Variants in SYN3 observed in about 807,000 individuals in gnomAD.
SYN3 encodes the protein synapsin III.
A neutral mutation model predicts 65.8 loss-of-function variants in SYN3; 35 were observed. The ratio of observed to expected loss-of-function variants is 0.53; its 90% CI spans 0.41 to 0.70. The LOEUF (loss-of-function observed/expected upper bound fraction) is 0.70, where lower values mean the gene tolerates loss of function less well. Ranked by LOEUF, SYN3 falls within the 30% of genes least tolerant of loss-of-function variation. The pLI is 0.00. For missense variants in SYN3, 680 were observed against 749.0 expected (o/e 0.91, Z 1.08); for synonymous variants, 270 against 292.9 (o/e 0.92, Z 0.80).
chr22:32,524,983 C>T (rs1336264837), intron 12 of SYN3, among the ~76,000 whole-genome samples: 1 of 152,202 alleles, frequency 6.6e-6, no homozygotes, highest in Non-Finnish European at 1.5e-5. Context: ...CCACTGAACT[C>T]CAGCTTGGGC....
intron 4 of SYN3, among the ~76,000 whole-genome samples, chr22:32,883,386 C>G (rs141923878): frequency 1.2e-4 from 19 of 152,326 alleles, no homozygotes; most frequent in Middle Eastern, 3.4e-3. Flanking sequence ...AGGGTAGGAG[C>G]AGCTTTCTAG....
intron 6 of SYN3, among the ~76,000 whole-genome samples, chr22:32,803,020 C>T (rs942930193): frequency 8.5e-5 from 13 of 152,170 alleles, no homozygotes; most frequent in Admixed American, 7.8e-4. Context: ...CCGAGAGCAT[C>T]CTGGGAGGCT....
intron 6 of SYN3, among the ~76,000 whole-genome samples, chr22:32,754,143 C>T (rs1399400759): frequency 6.6e-6 from 1 of 151,946 alleles, no homozygotes; most frequent in African/African-American, 2.4e-5. Context: ...CCCTTTCCTC[C>T]CTCCCTCCCT....
chr22:32,542,400 T>C (rs1417854859), intron 7 of SYN3, among the ~76,000 whole-genome samples: 1 of 151,650 alleles, frequency 6.6e-6, no homozygotes, highest in Non-Finnish European at 1.5e-5. Context: ...GCATATTTGC[T>C]GTATGCTATG....
intron 7 of SYN3, among the ~76,000 whole-genome samples, chr22:32,569,489 TC>T (rs1386662194): frequency 6.6e-6 from 1 of 151,458 alleles, no homozygotes; most frequent in African/African-American, 2.4e-5. Context: ...CTAAAATCTA[TC>T]TGTATCTAAA....
intron 6 of SYN3, among the ~76,000 whole-genome samples, chr22:32,784,324 G>A (rs1292582606): frequency 6.6e-6 from 1 of 152,246 alleles, no homozygotes; most frequent in Non-Finnish European, 1.5e-5. Context: ...AGGCTGGAAT[G>A]CCCATCTTGG....
intron 1 of SYN3, among the ~76,000 whole-genome samples, chr22:33,037,489 T>C (rs924147718): frequency 5.3e-5 from 8 of 152,226 alleles, no homozygotes; most frequent in African/African-American, 1.9e-4. Context: ...TGATTTCTAA[T>C]AGTGTTTGTC....
intron 6 of SYN3, among the ~76,000 whole-genome samples, chr22:32,820,259 T>C (rs1371890074): frequency 1.3e-5 from 2 of 148,928 alleles, no homozygotes; most frequent in Non-Finnish European, 3.0e-5. Flanking sequence ...TGTGTGTGTG[T>C]GTGCGTGCGC....
intron 6 of SYN3, among the ~76,000 whole-genome samples, chr22:32,814,337 AAGAGAAAGAAAGAG>A (rs1305124234): frequency 7.7e-3 from 197 of 25,596 alleles, no homozygotes; most frequent in Non-Finnish European, 0.011. Flanking sequence ...GAAAGAAAGA[AAGAGAAAGAAAGAG>A]AGAAAGAAAG....
At chr22:32,542,868 G>A (rs1411917095) in intron 7 of SYN3, among the ~76,000 whole-genome samples, 2 of 151,938 alleles carry the variant, frequency 1.3e-5, no homozygotes, top group South Asian at 2.1e-4. Context: ...GACTCCCAGC[G>A]GCTGTGGACA....
chr22:32,597,746 C>A (rs115087672), intron 6 of SYN3, among the ~76,000 whole-genome samples: 1 of 152,248 alleles, frequency 6.6e-6, no homozygotes, highest in African/African-American at 2.4e-5. Context: ...CCCTGCTGCA[C>A]CCCCAGCTCC....
intron 4 of SYN3, among the ~76,000 whole-genome samples, chr22:32,908,385 CTT>C (rs10719402): frequency 0.3 from 35,148 of 116,558 alleles, 5,356 homozygotes; most frequent in African/African-American, 0.39. Context: ...CACGCCTAGC[CTT>C]TTTTTTTTTT....
At chr22:33,030,737 T>C (rs1451895557) in intron 1 of SYN3, among the ~76,000 whole-genome samples, 1 of 106,256 alleles carries the variant, frequency 9.4e-6, no homozygotes, top group Non-Finnish European at 2.1e-5. Context: ...ACACAGAGAC[T>C]GAGATAGAGA....
chr22:32,592,676 TTTTC>T (rs1273510306), intron 7 of SYN3, among the ~76,000 whole-genome samples: 3 of 152,192 alleles, frequency 2.0e-5, no homozygotes, highest in African/African-American at 7.2e-5. Context: ...GGCCATGCAC[TTTTC>T]TTTCTAAATC....
chr22:32,721,739 G>A (rs1412429453), intron 6 of SYN3, among the ~76,000 whole-genome samples: 1 of 152,224 alleles, frequency 6.6e-6, no homozygotes, highest in African/African-American at 2.4e-5. Flanking sequence ...GAAGGGGGCA[G>A]ATGGTAAACA....
At chr22:32,839,014 C>G (rs142808954) in intron 6 of SYN3, among the ~76,000 whole-genome samples, 1 of 151,766 alleles carries the variant, frequency 6.6e-6, no homozygotes, top group Non-Finnish European at 1.5e-5. Context: ...GGACAGAAGG[C>G]TTCCTGGAGG....
In SYN3 at chr22:32,740,112, C is replaced by A. The variant is rs139623900; in HGVS notation, c.711+124803G>T. 1.8e-3 allele frequency among the ~76,000 whole-genome samples: 274 copies of A among 152,268 alleles called. 2 individuals are homozygous for A. The highest frequency in any genetic ancestry group is 6.4e-3 in the African/African-American group (264 of 41,538). On this transcript the variant is annotated intron_variant, in intron 6 of 13. Transcript: ENST00000358763. ...CCTGGTGAAGAGAAGATTCAGGGGA[C>A]CTGAGAACTGTCTTCTAATATTTGA...
intron 6 of SYN3, among the ~76,000 whole-genome samples, chr22:32,611,252 G>A (rs2059438204): frequency 6.8e-6 from 1 of 147,562 alleles, no homozygotes; most frequent in Non-Finnish European, 1.5e-5. Context: ...GGCCATTTGA[G>A]AGCAGAGGGC....
rs1277718726 is a variant in SYN3, at chr22:32,741,304, C to T, written c.711+123611G>A. Reference sequence around the variant, plus strand: ...GAGGTAAGCAACTTGCCTAAGGTGCCAAAGCTGGGATTCAGACCCAAGCAT... The same window carrying T: ...GAGGTAAGCAACTTGCCTAAGGTGCTAAAGCTGGGATTCAGACCCAAGCAT... On this transcript the variant is annotated intron_variant, in intron 6 of 13. Transcript: ENST00000358763. 4.0e-5 allele frequency among the ~76,000 whole-genome samples: 6 copies of T among 149,560 alleles called. No homozygotes were observed. In the East Asian group the frequency reaches 9.9e-4, roughly 25 times the overall value.
Sources: allele counts gnomAD v4.1 joint callset (sites outside exome capture counted in the v4.1 genomes callset), GRCh38; gene constraint gnomAD v4.1.1; transcripts MANE v1.5; gene names NCBI Gene and HGNC (gene_info 2026-07-23, HGNC 2026-07-21).